Variants in BCKDHB observed in about 807,000 individuals in gnomAD.
BCKDHB encodes branched chain keto acid dehydrogenase E1 subunit beta.
Under a neutral mutation model 48.5 loss-of-function variants are expected in BCKDHB, and 41 were observed. The ratio of observed to expected loss-of-function variants is 0.85; its 90% CI spans 0.66 to 1.10. The LOEUF is 1.10. Ranked by LOEUF, BCKDHB falls within the 50% of genes least tolerant of loss-of-function variation. The pLI, the probability that BCKDHB is intolerant of heterozygous loss-of-function variation, is 0.00. For missense variants in BCKDHB, 496 were observed against 494.2 expected, an observed-to-expected ratio of 1.00 and a Z score of -0.03; for synonymous variants, 201 against 174.8, an observed-to-expected ratio of 1.15 and a Z score of -1.18.
At chr6:80,139,502 A>C (rs1771072754) in intron 3 of BCKDHB, among the ~76,000 whole-genome samples, 1 of 150,800 alleles carries the variant, frequency 6.6e-6, no homozygotes, top group Admixed American at 6.6e-5. Context: ...GAAGGGATCC[A>C]GTTTCAGCTT....
chr6:80,290,264 G>A (rs1766844395), intron 9 of BCKDHB, among the ~76,000 whole-genome samples: 1 of 152,152 alleles, frequency 6.6e-6, no homozygotes, highest in Non-Finnish European at 1.5e-5. Context: ...GGTGGGAGGG[G>A]AGCAGGGTAT....
At chr6:80,447,635 A>G in the BCKDHB span, among the ~76,000 whole-genome samples, 3 of 152,126 alleles carry the variant, frequency 2.0e-5, no homozygotes, top group Non-Finnish European at 4.4e-5. Flanking sequence ...CAAGGAATCC[A>G]TGGATTACTT....
chr6:80,157,459 A>AT (rs36063034), intron 3 of BCKDHB, among the ~76,000 whole-genome samples: 3,103 of 96,680 alleles, frequency 0.032, 110 homozygotes, highest in African/African-American at 0.058. Context: ...TTGGGTGAGA[A>AT]TTTTTTTTTT....
the BCKDHB span, among the ~76,000 whole-genome samples, chr6:80,411,613 G>A: frequency 2.6e-5 from 4 of 152,224 alleles, no homozygotes; most frequent in South Asian, 4.1e-4. Flanking sequence ...GATGTGTTGG[G>A]CTCTGCCCAG....
intron 6 of BCKDHB, among the ~76,000 whole-genome samples, chr6:80,174,685 T>C (rs187034561): frequency 6.6e-6 from 1 of 152,278 alleles, no homozygotes; most frequent in Admixed American, 6.5e-5. Context: ...CTGGGCTTTT[T>C]CCCTAAAGTT....
At chr6:80,257,281 TCTC>T (rs1442732800) in intron 8 of BCKDHB, among the ~76,000 whole-genome samples, 3 of 151,814 alleles carry the variant, frequency 2.0e-5, no homozygotes, top group Non-Finnish European at 2.9e-5. Flanking sequence ...TATCTGTCTG[TCTC>T]TCTTCATCTT....
chr6:80,141,698 A>G (rs991985843), intron 3 of BCKDHB, among the ~76,000 whole-genome samples: 1 of 152,174 alleles, frequency 6.6e-6, no homozygotes, highest in Non-Finnish European at 1.5e-5. Flanking sequence ...ATTGTCAGAA[A>G]GTATAAAATT....
At chr6:80,308,664 G>A (rs1240480489) in intron 9 of BCKDHB, among the ~76,000 whole-genome samples, 1 of 149,008 alleles carries the variant, frequency 6.7e-6, no homozygotes, top group Non-Finnish European at 1.5e-5. Flanking sequence ...GCGTGATCCC[G>A]GCTCACTGCA....
chr6:80,191,266 A>C (rs909886866), intron 6 of BCKDHB, among the ~76,000 whole-genome samples: 1 of 152,190 alleles, frequency 6.6e-6, no homozygotes, highest in Non-Finnish European at 1.5e-5. Flanking sequence ...TATAGCATGT[A>C]TTCCCCGTAT....
chr6:80,212,634 A>G (rs1774991903), intron 8 of BCKDHB, among the ~76,000 whole-genome samples: 1 of 152,226 alleles, frequency 6.6e-6, no homozygotes, highest in African/African-American at 2.4e-5. Flanking sequence ...GTTTACGAAG[A>G]TAACAGGATT....
the BCKDHB span, among the ~76,000 whole-genome samples, chr6:80,430,729 G>A: frequency 1.1e-4 from 16 of 151,988 alleles, no homozygotes; most frequent in South Asian, 2.3e-3. Context: ...TATGAGTCTC[G>A]CTAGCAGTCT....
chr6:80,119,401 C>G (rs1027330889), intron 1 of BCKDHB, among the ~76,000 whole-genome samples: 1 of 152,094 alleles, frequency 6.6e-6, no homozygotes, highest in African/African-American at 2.4e-5. Context: ...TGGCTGCAAC[C>G]TCTACCTCCT....
At chr6:80,107,512 CGCATATATATAT>C (rs1562050423) in intron 1 of BCKDHB, among the ~76,000 whole-genome samples, 1 of 28,818 alleles carries the variant, frequency 3.5e-5, no homozygotes, top group East Asian at 1.4e-3. Flanking sequence ...TATATATGTG[CGCATATATATAT>C]ATATGCATAT....
At chr6:80,223,717 A>G (rs1775559682) in intron 8 of BCKDHB, among the ~76,000 whole-genome samples, 1 of 152,174 alleles carries the variant, frequency 6.6e-6, no homozygotes, top group Non-Finnish European at 1.5e-5. Context: ...GAGGTGTGAC[A>G]GATACGATAT....
At chr6:80,228,700 T>A (rs1295370471) in intron 8 of BCKDHB, among the ~76,000 whole-genome samples, 1 of 152,140 alleles carries the variant, frequency 6.6e-6, no homozygotes, top group Non-Finnish European at 1.5e-5. Flanking sequence ...GGTTTTGTGA[T>A]AGCCAGCCTT....
At chr6:80,182,390 T>C (rs1773453654) in intron 6 of BCKDHB, among the ~76,000 whole-genome samples, 1 of 152,232 alleles carries the variant, frequency 6.6e-6, no homozygotes, top group African/African-American at 2.4e-5. Flanking sequence ...TTATTCACTT[T>C]TCAGGCTAAG....
chr6:80,305,560 T>C (rs1353182394), intron 9 of BCKDHB, among the ~76,000 whole-genome samples: 1 of 152,192 alleles, frequency 6.6e-6, no homozygotes, highest in Non-Finnish European at 1.5e-5. Context: ...TCTCTTTTTT[T>C]CTTGAAATGT....
chr6:80,343,926 TA>T lies in BCKDHB; in HGVS notation c.*126del. 1 of 1,212,100 alleles carries T rather than the reference TA, an allele frequency of 8.3e-7. No homozygotes were observed. The highest frequency in any genetic ancestry group is 1.2e-6 in the Non-Finnish European group (1 of 824,974). 75.1% of individuals were successfully genotyped at this position (1,212,100 alleles called of 1,614,324 possible). A position where few individuals can be genotyped will look rare whatever the true frequency, so the allele number is the denominator to read the frequency against. The stretch of plus-strand genomic sequence containing the variant: ...TAACAAACTTTGATGGTAAAGTTGG[TA>T]AAAGGCAACTTTCAGAAGAAAATAA... On this transcript the variant is annotated 3_prime_UTR_variant, in exon 10 of 10. Coordinates refer to ENST00000320393, the MANE Select transcript of BCKDHB (RefSeq NM_183050.4).
At chr6:80,420,361 T>G in the BCKDHB span, among the ~76,000 whole-genome samples, 3,328 of 152,308 alleles carry the variant, frequency 0.022, 131 homozygotes, top group African/African-American at 0.074. Flanking sequence ...CTATGGATTT[T>G]CCTGCTTCAC....
Sources: gnomAD v4.1 joint callset for allele counts (sites outside exome capture counted in the v4.1 genomes callset) on GRCh38, gnomAD v4.1.1 for gene constraint, MANE v1.5 for transcripts, NCBI Gene and HGNC (gene_info 2026-07-23, HGNC 2026-07-21) for gene names.